The following RAB44 variants were observed in gnomAD, a reference collection of about 807,000 sequenced individuals.
RAB44 encodes ras-related protein Rab-44.
Under a neutral mutation model 93.3 loss-of-function variants are expected in RAB44, and 67 were observed. The ratio of observed to expected loss-of-function variants is 0.72; its 90% CI spans 0.59 to 0.88. The LOEUF is 0.88. Among genes scored for constraint, RAB44 ranks in the 40% least tolerant of loss-of-function variants. RAB44 has a pLI of 0.00. For synonymous variants in RAB44, 427 were observed against 520.3 expected (o/e 0.82, Z 2.44); for missense variants, 1,064 against 1,261.7 (o/e 0.84, Z 2.37).
intron 2 of RAB44, among the ~76,000 whole-genome samples, chr6:36,712,727 C>T (rs539432105): frequency 2.0e-5 from 3 of 152,248 alleles, no homozygotes; most frequent in South Asian, 4.2e-4. Context: ...AACAACAAAA[C>T]GATTAGCAAA....
At chr6:36,725,776 A>G (rs988448540) in intron 9 of RAB44, 86 bp from the exon 10 acceptor site, 4 of 869,186 alleles carry the variant, frequency 4.6e-6, no homozygotes, top group Non-Finnish European at 7.6e-6. Context: ...CAGCTGGTAC[A>G]GGGGACAGGT....
chr6:36,726,778 G>A (rs578107634), intron 10 of RAB44, among the ~76,000 whole-genome samples: 1 of 151,702 alleles, frequency 6.6e-6, no homozygotes, highest in Admixed American at 6.6e-5. Flanking sequence ...AAAGACTGAG[G>A]ACTCTCTTTA....
chr6:36,706,446 T>A (rs754707029), intron 2 of RAB44, among the ~76,000 whole-genome samples: 2 of 152,164 alleles, frequency 1.3e-5, no homozygotes, highest in African/African-American at 2.4e-5. Context: ...CTTCTTGAGG[T>A]CCCTGATTTT....
At chr6:36,714,670 G>C (rs1485646385) in intron 3 of RAB44, among the ~76,000 whole-genome samples, 1 of 152,256 alleles carries the variant, frequency 6.6e-6, no homozygotes, top group Non-Finnish European at 1.5e-5. Context: ...TGGGCAGGAG[G>C]AACTGCCGGT....
intron 1 of RAB44, among the ~76,000 whole-genome samples, chr6:36,700,735 TTTG>T (rs1203800149): frequency 2.0e-5 from 3 of 152,098 alleles, no homozygotes; most frequent in African/African-American, 7.2e-5. Flanking sequence ...CCCAGCTTAT[TTTG>T]TTGTTGTTGT....
chr6:36,717,544 C>T lies in RAB44; in HGVS notation c.641+125C>T, dbSNP rs548825543. 58 of 1,092,530 alleles carry T rather than the reference C, an allele frequency of 5.3e-5. No homozygotes were observed. Among genetic ancestry groups the T allele is most frequent in the African/African-American group, 2.1e-4 (13 of 61,692 alleles). 67.7% of individuals were successfully genotyped at this position (1,092,530 alleles called of 1,614,324 possible). Reference sequence around the variant, plus strand: ...CTGTGAGCTGGATAGGGCAGAGCTGCGCTGGAGGAAGAGGTGGCTCAGGGG... The same window carrying T: ...CTGTGAGCTGGATAGGGCAGAGCTGTGCTGGAGGAAGAGGTGGCTCAGGGG... On this transcript the variant is annotated intron_variant, in intron 5 of 13. Coordinates refer to ENST00000612677, the MANE Select transcript of RAB44 (RefSeq NM_001257357.2). The surrounding 1 kb of genome is among the most constrained non-coding windows in gnomAD (Gnocchi z 4.1).
At chr6:36,713,748 G>A in intron 2 of RAB44, 80 bp from the exon 3 acceptor site, 3 of 881,392 alleles carry the variant, frequency 3.4e-6, no homozygotes, top group Non-Finnish European at 5.4e-6. Context: ...AGGGGTGGCT[G>A]AAGACAAACA....
At chr6:36,703,203 G>A (rs1463088911) in intron 1 of RAB44, among the ~76,000 whole-genome samples, 1 of 152,176 alleles carries the variant, frequency 6.6e-6, no homozygotes, top group African/African-American at 2.4e-5. Flanking sequence ...CTTTTAACAA[G>A]GAACTCATTT....
chr6:36,725,664 G>A (rs1219400741), intron 9 of RAB44, among the ~76,000 whole-genome samples, 198 bp from the exon 10 acceptor site: 2 of 152,246 alleles, frequency 1.3e-5, no homozygotes, highest in African/African-American at 2.4e-5. Context: ...ACAACTTGCG[G>A]CAGGGAGGTC....
In RAB44 at chr6:36,718,200, A is replaced by G. The variant is rs998214329; in HGVS notation, c.732+82A>G. On this transcript the variant is annotated intron_variant, in intron 6 of 13. Transcript: ENST00000612677. ...TAAGGAATGGGGCCAGTGACTGGCCAGGGTGGGGAACAGGAGGCTGCTGTA... is the reference window on the plus strand; with the variant it reads ...TAAGGAATGGGGCCAGTGACTGGCCGGGGTGGGGAACAGGAGGCTGCTGTA... 2.2e-5 allele frequency: 21 copies of G among 951,034 alleles called. No individual in the cohort carries two copies. In the African/African-American group the frequency reaches 3.2e-4, roughly 15 times the overall value. 58.9% of individuals were successfully genotyped at this position (951,034 alleles called of 1,614,324 possible).
intron 10 of RAB44, among the ~76,000 whole-genome samples, chr6:36,726,525 G>A (rs1434770052): frequency 6.6e-6 from 1 of 152,146 alleles, no homozygotes; most frequent in Non-Finnish European, 1.5e-5. Flanking sequence ...TTACAGGCAT[G>A]AGCCACGGCA....
chr6:36,717,976 G>A lies in RAB44; in HGVS notation c.642-52G>A, dbSNP rs1762966084. 4 of 1,137,926 alleles carry A rather than the reference G, an allele frequency of 3.5e-6. No individual in the cohort carries two copies. Among genetic ancestry groups the A allele is most frequent in the Non-Finnish European group, 4.4e-6 (4 of 902,110 alleles). 70.5% of individuals were successfully genotyped at this position (1,137,926 alleles called of 1,614,324 possible). ...GCCCAGACTGCCCCTGCCAGCAGCAGGCTCCCAGAGGTGCTGATGGGCTGC... is the reference window on the plus strand; with the variant it reads ...GCCCAGACTGCCCCTGCCAGCAGCAAGCTCCCAGAGGTGCTGATGGGCTGC... On this transcript the variant is annotated intron_variant, in intron 5 of 13. Coordinates refer to ENST00000612677, the MANE Select transcript of RAB44 (RefSeq NM_001257357.2). This position sits in a 1 kb window ranked among gnomAD's most constrained non-coding sequence, Gnocchi z 4.1.
chr6:36,729,578 G>C (rs1204579731), intron 12 of RAB44, among the ~76,000 whole-genome samples: 2 of 151,810 alleles, frequency 1.3e-5, no homozygotes, highest in African/African-American at 4.8e-5. Context: ...CGACTCCCGG[G>C]TTCAAGCGAT....
At chr6:36,707,450 A>T (rs1762677074) in intron 2 of RAB44, among the ~76,000 whole-genome samples, 1 of 152,216 alleles carries the variant, frequency 6.6e-6, no homozygotes, top group Non-Finnish European at 1.5e-5. Context: ...CTATTAAAGT[A>T]GAACAATAAA....
At chr6:36,698,786 T>A (rs1762444535) in intron 1 of RAB44, among the ~76,000 whole-genome samples, 1 of 152,040 alleles carries the variant, frequency 6.6e-6, no homozygotes, top group Non-Finnish European at 1.5e-5. Context: ...AATGATGGAA[T>A]GGCCGTGAGG....
intron 2 of RAB44, among the ~76,000 whole-genome samples, chr6:36,707,291 A>G (rs1369733839): frequency 4.0e-5 from 6 of 151,854 alleles, no homozygotes; most frequent in African/African-American, 9.7e-5. Flanking sequence ...TGGGAGGCGG[A>G]GGCTGCAGTA....
chr6:36,732,152 T>G lies in RAB44; in HGVS notation c.*59T>G. The G allele has an allele frequency of 1.8e-6, 2 of 1,100,428 alleles. No individual in the cohort carries two copies. Among genetic ancestry groups the G allele is most frequent in the Non-Finnish European group, 2.3e-6 (2 of 866,080 alleles). The allele number at this position is 1,100,428 out of a possible 1,614,324, so 68.2% of individuals were successfully genotyped here. ...ATGGGGTTTCCTGTCCCTCAGCTCC[T>G]GTCCTTTGTTCCTGGACAGCAACGA... is the stretch of plus-strand genomic sequence containing the variant. On this transcript the variant is annotated 3_prime_UTR_variant, in exon 14 of 14. Coordinates refer to ENST00000612677, the MANE Select transcript of RAB44 (RefSeq NM_001257357.2).
At chr6:36,718,240 T>C in intron 6 of RAB44, 122 bp downstream of exon 6, 1 of 591,514 alleles carries the variant, frequency 1.7e-6, no homozygotes, top group Non-Finnish European at 2.5e-6. Context: ...ATCCTCTCCC[T>C]GCCCTGAGCA....
At chr6:36,719,245 C>T (rs138563756) in intron 7 of RAB44, among the ~76,000 whole-genome samples, 12 of 152,298 alleles carry the variant, frequency 7.9e-5, no homozygotes, top group East Asian at 1.9e-4. Context: ...CCCTTCAGCC[C>T]GGGACAAGAT....
Sources: gnomAD v4.1 joint callset for allele counts (sites outside exome capture counted in the v4.1 genomes callset) on GRCh38, gnomAD v4.1.1 for gene constraint, Gnocchi (gnomAD v3.1) non-coding constraint, MANE v1.5 for transcripts, NCBI Gene and HGNC (gene_info 2026-07-23, HGNC 2026-07-21) for gene names.